Variants in RERE observed in about 807,000 individuals in gnomAD.
RERE encodes the protein arginine-glutamic acid dipeptide repeats.
RERE carries 40 observed loss-of-function variants against 146.1 expected under a neutral mutation model. The observed-to-expected ratio is 0.27, with a 90% CI of 0.21 to 0.36. The LOEUF is 0.36. Ranked by LOEUF, RERE falls within the 10% of genes least tolerant of loss-of-function variation. RERE has a pLI of 1.00. For synonymous variants in RERE, 1,003 were observed against 866.0 expected, an observed-to-expected ratio of 1.16 and a Z score of -2.78; for missense variants, 1,933 against 2,138.7, an observed-to-expected ratio of 0.90 and a Z score of 1.90.
intron 1 of RERE, among the ~76,000 whole-genome samples, chr1:8,784,220 C>T (rs932812931): frequency 2.6e-5 from 4 of 152,230 alleles, no homozygotes; most frequent in African/African-American, 9.6e-5. Context: ...CTTCACATGG[C>T]AAACTCCCAC....
chr1:8,784,465 T>G (rs569905189), intron 1 of RERE, among the ~76,000 whole-genome samples: 2 of 136,726 alleles, frequency 1.5e-5, no homozygotes, highest in African/African-American at 5.3e-5. Context: ...TGCTTGGGGT[T>G]TTTTTTCTCT....
chr1:8,495,297 T>A, intron 9 of RERE, 135 bp from the exon 10 acceptor site: 1 of 574,074 alleles, frequency 1.7e-6, no homozygotes, highest in Non-Finnish European at 3.1e-6. Context: ...AGTTCCCAGC[T>A]CTGCCTCTGC....
intron 1 of RERE, among the ~76,000 whole-genome samples, chr1:8,666,943 A>T (rs1638589021): frequency 6.6e-6 from 1 of 152,230 alleles, no homozygotes; most frequent in Admixed American, 6.5e-5. Context: ...CATTCTCAGA[A>T]TATACGGCTT....
intron 10 of RERE, among the ~76,000 whole-genome samples, chr1:8,484,372 T>C (rs1644871543): frequency 6.6e-6 from 1 of 152,126 alleles, no homozygotes; most frequent in Non-Finnish European, 1.5e-5. Context: ...GGAAACACCA[T>C]TACTTCTTCA....
At chr1:8,402,064 T>TCA (rs1420536404) in intron 12 of RERE, among the ~76,000 whole-genome samples, 1 of 152,140 alleles carries the variant, frequency 6.6e-6, no homozygotes, top group Non-Finnish European at 1.5e-5. Flanking sequence ...AGACGAGGTT[T>TCA]CACCATGTTG....
intron 12 of RERE, among the ~76,000 whole-genome samples, chr1:8,400,918 TG>T (rs1643228931): frequency 7.0e-6 from 1 of 141,898 alleles, no homozygotes; most frequent in African/African-American, 2.6e-5. Context: ...CTCAGAAGAC[TG>T]AAGCGGGAGC....
chr1:8,408,844 G>C (rs149498394), intron 12 of RERE, among the ~76,000 whole-genome samples: 1 of 152,300 alleles, frequency 6.6e-6, no homozygotes, highest in East Asian at 1.9e-4. Flanking sequence ...GGCTGGGCTT[G>C]GGGCAGGAGG....
chr1:8,646,552 C>CAAAAAA (rs1228451345), intron 2 of RERE, among the ~76,000 whole-genome samples: 3 of 146,300 alleles, frequency 2.1e-5, no homozygotes, highest in African/African-American at 7.9e-5. Context: ...AAAAAACAAA[C>CAAAAAA]AAACAAAAAA....
intron 1 of RERE, among the ~76,000 whole-genome samples, chr1:8,709,555 C>A (rs1639626616): frequency 6.6e-6 from 1 of 152,132 alleles, no homozygotes; most frequent in Non-Finnish European, 1.5e-5. Flanking sequence ...CATATGTATT[C>A]ATTTGTCTGA....
intron 1 of RERE, among the ~76,000 whole-genome samples, chr1:8,734,305 A>T (rs567847350): frequency 6.6e-6 from 1 of 152,276 alleles, no homozygotes; most frequent in African/African-American, 2.4e-5. Flanking sequence ...TTCAGGACAT[A>T]AAGGATTTGG....
At chr1:8,589,391 G>GATCAAGCCACT (rs1646465812) in intron 4 of RERE, among the ~76,000 whole-genome samples, 1 of 152,186 alleles carries the variant, frequency 6.6e-6, no homozygotes, top group Non-Finnish European at 1.5e-5. Flanking sequence ...AGTGAGTCAA[G>GATCAAGCCACT]ATCAAGCCAC....
At chr1:8,543,074 T>C (rs984877053) in intron 6 of RERE, among the ~76,000 whole-genome samples, 44 of 152,286 alleles carry the variant, frequency 2.9e-4, no homozygotes, top group Middle Eastern at 3.4e-3. Flanking sequence ...CACAGATTTA[T>C]AAGACATTTC....
At chr1:8,521,427 A>G (rs912898114) in intron 7 of RERE, among the ~76,000 whole-genome samples, 8 of 152,182 alleles carry the variant, frequency 5.3e-5, no homozygotes, top group African/African-American at 1.7e-4. Flanking sequence ...AGATAGTTTG[A>G]GGCCAGGAGT....
intron 1 of RERE, among the ~76,000 whole-genome samples, chr1:8,784,811 A>C (rs892417826): frequency 3.9e-5 from 6 of 152,206 alleles, no homozygotes; most frequent in African/African-American, 1.4e-4. Flanking sequence ...TCATACTCCC[A>C]AAACCAAATT....
In RERE at chr1:8,694,758, C is replaced by CA. The variant is rs377081925; in HGVS notation, c.-144-38318dup. 3.2e-3 allele frequency among the ~76,000 whole-genome samples: 454 copies of CA among 142,788 alleles called. 2 individuals carry two copies. The highest frequency in any genetic ancestry group is 1.0e-2 in the African/African-American group (387 of 38,816). 93.7% of individuals were successfully genotyped at this position (142,788 alleles called of 152,430 possible). A position where few individuals can be genotyped will look rare whatever the true frequency, so the allele number is the denominator to read the frequency against. On this transcript the variant is annotated intron_variant, in intron 1 of 22. Transcript: ENST00000400908. ...TGGGTGACAAAGCGAGACTCTATCT[C>CA]AAAAAAAAAAGAAATGACAGATGAC... is the stretch of plus-strand genomic sequence containing the variant.
chr1:8,432,081 C>A (rs1303588874), intron 11 of RERE, among the ~76,000 whole-genome samples: 2 of 152,182 alleles, frequency 1.3e-5, no homozygotes, highest in African/African-American at 2.4e-5. Flanking sequence ...ACCCCTCCCC[C>A]CAACATTCCA....
In RERE at chr1:8,603,964, G is replaced by A. The variant is rs989655680; in HGVS notation, c.522+10597C>T. Among the ~76,000 whole-genome samples the A allele has an allele frequency of 9.2e-3, 1,060 of 115,750 alleles. 10 individuals are homozygous for A. The highest frequency in any genetic ancestry group is 0.032 in the African/African-American group (1,000 of 30,928). The allele number at this position is 115,750 out of a possible 152,430, so 75.9% of individuals were successfully genotyped here. A position where few individuals can be genotyped will look rare whatever the true frequency, so the allele number is the denominator to read the frequency against. On this transcript the variant is annotated intron_variant, in intron 4 of 22. Transcript: ENST00000400908. ...AAAAAAAAAAAAAGAAAAGAAAAAA[G>A]AAGAAGTTCCACATGCTGCAAAGGA...
chr1:8,506,748 C>T (rs74050215), intron 8 of RERE, among the ~76,000 whole-genome samples: 4,302 of 152,268 alleles, frequency 0.028, 175 homozygotes, highest in African/African-American at 0.098. Flanking sequence ...TTTCCTTGCT[C>T]CTAAGGGGAA....
rs1320383892 is a variant in RERE, at chr1:8,401,070, T to C, written c.1284+21657A>G. ...ATATATATATATATATATATATATATATGTCACTTAATAGTTTTTGGGAGT... is the reference window on the plus strand; with the variant it reads ...ATATATATATATATATATATATATACATGTCACTTAATAGTTTTTGGGAGT... On this transcript the variant is annotated intron_variant, in intron 12 of 22. Coordinates refer to ENST00000400908, the MANE Select transcript of RERE (RefSeq NM_001042681.2). Among the ~76,000 whole-genome samples the C allele has an allele frequency of 4.4e-3, 478 of 107,468 alleles. 8 individuals are homozygous for C. The highest frequency in any genetic ancestry group is 0.016 in the African/African-American group (458 of 28,506). The allele number at this position is 107,468 out of a possible 152,430, so 70.5% of individuals were successfully genotyped here. A position where few individuals can be genotyped will look rare whatever the true frequency, so the allele number is the denominator to read the frequency against.
Sources: gnomAD v4.1 joint callset for allele counts (sites outside exome capture counted in the v4.1 genomes callset) on GRCh38, gnomAD v4.1.1 for gene constraint, MANE v1.5 for transcripts, NCBI Gene and HGNC (gene_info 2026-07-23, HGNC 2026-07-21) for gene names.